The following ZC2HC1A variants were observed in gnomAD, a reference collection of about 807,000 sequenced individuals.
ZC2HC1A encodes the protein zinc finger C2HC-type containing 1A.
In ZC2HC1A, 28 loss-of-function variants were observed where a neutral mutation model predicts 40.7. The ratio of observed to expected loss-of-function variants is 0.69; its 90% confidence interval spans 0.51 to 0.94. ZC2HC1A has a LOEUF of 0.94. ZC2HC1A is among the 40% of genes least tolerant of loss of function. The pLI, the probability that ZC2HC1A is intolerant of heterozygous loss-of-function variation, is 0.00. For missense variants in ZC2HC1A, 389 were observed against 386.3 expected (o/e 1.01, Z -0.06); for synonymous variants, 129 against 129.2 (o/e 1.00, Z 0.01).
chr8:78,702,428 G>T (rs1304770202), intron 7 of ZC2HC1A, among the ~76,000 whole-genome samples: 1 of 152,040 alleles, frequency 6.6e-6, no homozygotes, highest in Non-Finnish European at 1.5e-5. Context: ...TCCTAGATTT[G>T]TTGATCTTTT....
intron 5 of ZC2HC1A, among the ~76,000 whole-genome samples, chr8:78,692,263 A>G (rs925541731): frequency 6.6e-6 from 1 of 151,964 alleles, no homozygotes; most frequent in Non-Finnish European, 1.5e-5. Flanking sequence ...ATTGTTTTAG[A>G]TTCTACATGT....
intron 8 of ZC2HC1A, among the ~76,000 whole-genome samples, chr8:78,716,382 CA>C (rs2130618547): frequency 6.6e-6 from 1 of 152,130 alleles, no homozygotes; most frequent in African/African-American, 2.4e-5. Context: ...CTTGGCCTCC[CA>C]AAGTGCTGGG....
At chr8:78,686,737 G>C (rs1035830233) in intron 4 of ZC2HC1A, 129 bp downstream of exon 4, 1 of 975,344 alleles carries the variant, frequency 1.0e-6, no homozygotes, top group Non-Finnish European at 1.4e-6. Context: ...TTAAAATTTG[G>C]TGTAAAATGG....
intron 3 of ZC2HC1A, among the ~76,000 whole-genome samples, chr8:78,685,009 C>T (rs1809919267): frequency 6.6e-6 from 1 of 151,916 alleles, no homozygotes; most frequent in South Asian, 2.1e-4. Flanking sequence ...AATTTATATA[C>T]ATGAACTAGG....
At chr8:78,708,672 CTT>C (rs66697724) in intron 7 of ZC2HC1A, among the ~76,000 whole-genome samples, 3 of 142,612 alleles carry the variant, frequency 2.1e-5, no homozygotes, top group South Asian at 4.4e-4. Flanking sequence ...AGATGATTAT[CTT>C]TTTTTTTTCT....
intron 7 of ZC2HC1A, among the ~76,000 whole-genome samples, chr8:78,703,477 A>G (rs1406485248): frequency 6.6e-6 from 1 of 150,402 alleles, no homozygotes. Flanking sequence ...GTACATTTGT[A>G]TTTAGGATAG....
chr8:78,670,514 G>C (rs747667498), intron 1 of ZC2HC1A, among the ~76,000 whole-genome samples: 2 of 152,116 alleles, frequency 1.3e-5, no homozygotes, highest in Non-Finnish European at 2.9e-5. Flanking sequence ...TGCTCTAAGA[G>C]AACCCATTTA....
At chr8:78,675,985 C>T (rs1809566831) in intron 2 of ZC2HC1A, 122 bp downstream of exon 2, 3 of 746,992 alleles carry the variant, frequency 4.0e-6, no homozygotes, top group Non-Finnish European at 6.4e-6. Flanking sequence ...GGGTACTATT[C>T]TTTGTTCAAG....
Position 78,680,633 on chromosome 8 carries a change from A to G in ZC2HC1A, c.210+1954A>G, listed in dbSNP as rs1471694. Among the ~76,000 whole-genome samples, 877 of 152,312 alleles carry G rather than the reference A, an allele frequency of 5.8e-3. 6 individuals carry two copies. Among genetic ancestry groups the G allele is most frequent in the African/African-American group, 0.02 (831 of 41,562 alleles). On this transcript the variant is annotated intron_variant, in intron 3 of 8. Transcript: ENST00000263849. ...AAGCAACTACAAACTTCATTTTTGG[A>G]AAAACAAAAGGTAGGCATAATTCAT...
intron 1 of ZC2HC1A, among the ~76,000 whole-genome samples, chr8:78,666,741 C>T (rs1025859098): frequency 2.0e-5 from 3 of 152,090 alleles, no homozygotes; most frequent in Non-Finnish European, 2.9e-5. Context: ...ATAGATTACC[C>T]GGAGGATTTG....
chr8:78,690,274 T>G (rs1436102071), intron 5 of ZC2HC1A, among the ~76,000 whole-genome samples: 1 of 152,214 alleles, frequency 6.6e-6, no homozygotes, highest in African/African-American at 2.4e-5. Flanking sequence ...AAATTTTCTT[T>G]GGCAGCCGGG....
intron 7 of ZC2HC1A, among the ~76,000 whole-genome samples, chr8:78,713,149 G>T (rs1296285005): frequency 6.6e-6 from 1 of 152,072 alleles, no homozygotes; most frequent in African/African-American, 2.4e-5. Context: ...ATTCATATGA[G>T]CTGTTAACAG....
At chr8:78,712,424 G>A (rs551473221) in intron 7 of ZC2HC1A, among the ~76,000 whole-genome samples, 124 of 151,958 alleles carry the variant, frequency 8.2e-4, no homozygotes, top group African/African-American at 2.9e-3. Context: ...TTTTGTAATA[G>A]TAGTTTTAAA....
chr8:78,694,529 T>G (rs924636193), intron 5 of ZC2HC1A, among the ~76,000 whole-genome samples: 1 of 152,184 alleles, frequency 6.6e-6, no homozygotes, highest in African/African-American at 2.4e-5. Flanking sequence ...ATACAGCAAA[T>G]CCATGTGATG....
In ZC2HC1A at chr8:78,676,828, C is replaced by T. The variant is rs368402228; in HGVS notation, c.93+965C>T. On this transcript the variant is annotated intron_variant, in intron 2 of 8. Coordinates refer to ENST00000263849, the MANE Select transcript of ZC2HC1A (RefSeq NM_016010.3). ...TGAATTTCACAGCAAAAAAAAAGTG[C>T]CTTTTTTGGCTCTCATTTATGTGGT... 2.6e-3 allele frequency among the ~76,000 whole-genome samples: 402 copies of T among 151,878 alleles called. 3 individuals are homozygous for T. Among genetic ancestry groups the T allele is most frequent in the Admixed American group, 6.6e-3 (101 of 15,256 alleles).
At position 78,719,527 on chromosome 8, in the gene ZC2HC1A, TC is replaced by T. The variant is rs1811199141; in HGVS notation, c.*2036del. ...AATAGTTCAGTTTTAAAAAAAATCT[TC>T]CTATGCATCATGTATTTTATTTTTA... is the stretch of plus-strand genomic sequence containing the variant. On this transcript the variant is annotated 3_prime_UTR_variant, in exon 9 of 9. Transcript: ENST00000263849. 1.3e-5 allele frequency: 2 copies of T among 151,840 alleles called. No homozygotes were observed. The highest frequency in any genetic ancestry group is 4.8e-5 in the African/African-American group (2 of 41,440). The allele number at this position is 151,840 out of a possible 1,614,324, so 9.4% of individuals were successfully genotyped here. A position where few individuals can be genotyped will look rare whatever the true frequency, so the allele number is the denominator to read the frequency against.
rs372896908 is a variant in ZC2HC1A, at chr8:78,698,455, G to A, written c.646G>A (p.Gly216Arg). 6.8e-6 allele frequency: 11 copies of A among 1,613,066 alleles called. No homozygotes were observed. In the African/African-American group the frequency reaches 1.5e-4, roughly 22 times the overall value. ...AGTGTCTTCAAGTAGCAGCTCTTTG[G>A]GAAACAAACTTCAGACCTTATCTCC... ...GKVSSSSSSL[G>R]NKLQTLSPSH... The change falls in exon 7 of 9, where the codon GGA becomes AGA. Residue 216 changes from glycine to arginine, a missense_variant. Transcript: ENST00000263849.
intron 5 of ZC2HC1A, 146 bp from the exon 6 acceptor site, chr8:78,697,261 A>G (rs1810452050): frequency 3.2e-6 from 2 of 616,088 alleles, no homozygotes; most frequent in Non-Finnish European, 5.5e-6. Flanking sequence ...AATGATGTGC[A>G]ACCATCATCA....
At chr8:78,703,571 A>G (rs1314134539) in intron 7 of ZC2HC1A, among the ~76,000 whole-genome samples, 1 of 150,096 alleles carries the variant, frequency 6.7e-6, no homozygotes, top group Non-Finnish European at 1.5e-5. Context: ...GTTGGTTTAA[A>G]GTCTGTTTTA....
Sources: allele counts gnomAD v4.1 joint callset (sites outside exome capture counted in the v4.1 genomes callset), GRCh38; gene constraint gnomAD v4.1.1; transcripts MANE v1.5; gene names NCBI Gene and HGNC (gene_info 2026-07-23, HGNC 2026-07-21).